HEATR6: variants seen among roughly 807,000 people sequenced by gnomAD.
The protein encoded by HEATR6 is HEAT repeat containing 6.
Under a neutral mutation model 132.8 loss-of-function variants are expected in HEATR6, and 106 were observed. The ratio of observed to expected loss-of-function variants is 0.80; its 90% CI spans 0.68 to 0.94. The LOEUF (loss-of-function observed/expected upper bound fraction) is 0.94, where lower values mean the gene tolerates loss of function less well. HEATR6 is among the 40% of genes least tolerant of loss of function. The pLI, the probability that HEATR6 is intolerant of heterozygous loss-of-function variation, is 0.00. For synonymous variants in HEATR6, 529 were observed against 537.8 expected (o/e 0.98, Z 0.23); for missense variants, 1,339 against 1,425.1 (o/e 0.94, Z 0.97).
chr17:60,044,770 T>C (rs1234729520), intron 19 of HEATR6, among the ~76,000 whole-genome samples: 1 of 152,196 alleles, frequency 6.6e-6, no homozygotes, highest in African/African-American at 2.4e-5. Flanking sequence ...CAGAGTAGAA[T>C]GCAGCTTCTC....
At chr17:60,054,328 T>G (rs570538366) in intron 14 of HEATR6, among the ~76,000 whole-genome samples, 4 of 152,062 alleles carry the variant, frequency 2.6e-5, no homozygotes, top group African/African-American at 9.7e-5. Context: ...TAAGCCTGGG[T>G]GCCCATGCAG....
intron 6 of HEATR6, 34 bp downstream of exon 6, chr17:60,070,672 G>A: frequency 8.0e-7 from 1 of 1,243,452 alleles, no homozygotes; most frequent in Non-Finnish European, 1.2e-6. Flanking sequence ...GGTTGAAACA[G>A]GAAAGACAAT....
chr17:60,060,188 A>T (rs1306541338), intron 9 of HEATR6, 92 bp from the exon 10 acceptor site: 2 of 871,560 alleles, frequency 2.3e-6, no homozygotes, highest in Non-Finnish European at 3.6e-6. Context: ...AAGTATTTAC[A>T]ATCATTTTAA....
At position 60,046,022 on chromosome 17, in the gene HEATR6, T is replaced by C. The variant is rs1906352760; in HGVS notation, c.2974+3A>G. ...ACCAGGGAGTGAAGGGAAACTTTCTTACCTAAAGGAAGGGCAGGATTTTTA... is the reference window on the plus strand; with the variant it reads ...ACCAGGGAGTGAAGGGAAACTTTCTCACCTAAAGGAAGGGCAGGATTTTTA... On this transcript the variant is annotated splice_donor_region_variant and intron_variant, in intron 19 of 19. Coordinates refer to ENST00000184956, the MANE Select transcript of HEATR6 (RefSeq NM_022070.5). 6 of 1,611,000 alleles carry C rather than the reference T, an allele frequency of 3.7e-6. No individual in the cohort carries two copies. Among genetic ancestry groups the C allele is most frequent in the Admixed American group, 1.7e-5 (1 of 59,892 alleles).
In HEATR6 at chr17:60,067,726, T is replaced by A; in HGVS notation, c.946A>T (p.Lys316Ter). 1 of 1,611,308 alleles carries A rather than the reference T, an allele frequency of 6.2e-7. No homozygotes were observed. The highest frequency in any genetic ancestry group is 8.5e-7 in the Non-Finnish European group (1 of 1,179,136). The change falls in exon 8 of 20, where the codon AAG becomes TAG. Residue 316 changes from lysine (K) to a stop codon, truncating the protein, a stop_gained. Transcript: ENST00000184956. LOFTEE classifies it high-confidence loss of function. ...TTTGGTTTTACTTTGGATTTTTTCT[T>A]TTTATTCTGATTGTGGGAGCAAATG... ...SSASRPTLNK[K>*]KKSKVKPKKI...
At chr17:60,061,749 T>C (rs2083212842) in intron 9 of HEATR6, among the ~76,000 whole-genome samples, 1 of 152,282 alleles carries the variant, frequency 6.6e-6, no homozygotes, top group Non-Finnish European at 1.5e-5. Flanking sequence ...GCTAACAGGC[T>C]GTACAAAAAC....
At chr17:60,050,279 A>G (rs1038913783) in intron 15 of HEATR6, among the ~76,000 whole-genome samples, 29 of 152,152 alleles carry the variant, frequency 1.9e-4, no homozygotes, top group African/African-American at 6.8e-4. Context: ...CAAGGCACCA[A>G]ATCTGTGTCT....
At chr17:60,066,544 A>C in intron 8 of HEATR6, 158 bp from the exon 9 acceptor site, 1 of 620,978 alleles carries the variant, frequency 1.6e-6, no homozygotes, top group Non-Finnish European at 2.7e-6. Context: ...GTTATTAAAA[A>C]TTTTTCTTTC....
intron 10 of HEATR6, 69 bp from the exon 11 acceptor site, chr17:60,059,590 A>G: frequency 9.2e-7 from 1 of 1,090,092 alleles, no homozygotes; most frequent in Non-Finnish European, 1.4e-6. Context: ...ATTTTGCAGC[A>G]TTTAATTAAA....
intron 2 of HEATR6, among the ~76,000 whole-genome samples, chr17:60,075,448 T>C (rs1256682333): frequency 6.6e-6 from 1 of 152,192 alleles, no homozygotes; most frequent in Admixed American, 6.6e-5. Context: ...AGTTGATATG[T>C]TTTGTGCTCT....
At position 60,043,683 on chromosome 17, in the gene HEATR6, G is replaced by A. The variant is rs752599831; in HGVS notation, c.3426C>T (p.Ile1142=). The A allele has an allele frequency of 6.2e-7, 1 of 1,614,152 alleles. No individual in the cohort carries two copies. Among genetic ancestry groups the A allele is most frequent in the Non-Finnish European group, 8.5e-7 (1 of 1,180,028 alleles). The change falls in exon 20 of 20, where the codon ATC becomes ATT. Residue 1142 remains isoleucine, a synonymous_variant. Coordinates refer to ENST00000184956, the MANE Select transcript of HEATR6 (RefSeq NM_022070.5). ...TGGCTGTGTCTCCAGTTGGTGCCTG[G>A]ATGCTGCCCATGTGTTTAAGGGCCA... ...VRMALKHMGS[I]QAPTGDTARR...
At chr17:60,075,630 G>C (rs981214459) in intron 2 of HEATR6, 18 of 151,974 alleles carry the variant, frequency 1.2e-4, no homozygotes, top group African/African-American at 4.1e-4. Context: ...AAAGAGGCAG[G>C]GGATTATTTC....
chr17:60,077,929 G>A (rs1300883654), intron 1 of HEATR6, among the ~76,000 whole-genome samples: 4 of 152,218 alleles, frequency 2.6e-5, no homozygotes, highest in Non-Finnish European at 5.9e-5. Context: ...TGGGATGAAG[G>A]AGGGAAGAAC....
Position 60,078,799 on chromosome 17 carries a change from G to A in HEATR6, c.116C>T (p.Ala39Val), listed in dbSNP as rs200568218. ...GFRLLSARLC[A>V]LRPDDSSSAR... ...GGAGCTGCTGTCATCCGGGCGCAGG[G>A]CGCAGAGCCTGGCAGACAAGAGGCG... Residue 39 changes from alanine to valine, a missense_variant, in exon 1 of 20, where the codon GCC (alanine) becomes GTC (valine). Coordinates refer to ENST00000184956, the MANE Select transcript of HEATR6 (RefSeq NM_022070.5). The A allele has an allele frequency of 6.3e-5, 101 of 1,596,886 alleles. No individual in the cohort carries two copies. Among genetic ancestry groups the A allele is most frequent in the Non-Finnish European group, 8.5e-5 (100 of 1,172,468 alleles).
Position 60,076,144 on chromosome 17 carries a change from G to C in HEATR6, c.313C>G (p.Leu105Val), listed in dbSNP as rs1568650965. 1.9e-6 allele frequency: 3 copies of C among 1,597,354 alleles called. No individual in the cohort carries two copies. The highest frequency in any genetic ancestry group is 2.6e-6 in the Non-Finnish European group (3 of 1,166,146). Reference protein sequence around the residue: ...SKVSQLIHHLLNRLQVIVDEQ... With the variant: ...SKVSQLIHHLVNRLQVIVDEQ... ...TACATGATTACCTGTAATCTGTTAA[G>C]TAAATGGTGGATAAGCTGGCTCACT... The change falls in exon 2 of 20, where the codon CTT becomes GTT. Residue 105 changes from leucine to valine, a missense_variant. Coordinates refer to ENST00000184956, the MANE Select transcript of HEATR6 (RefSeq NM_022070.5).
chr17:60,047,315 T>C lies in HEATR6; in HGVS notation c.2763A>G (p.Lys921=). The stretch of plus-strand genomic sequence containing the variant: ...GGTTTTGTTGTGAGTCTACCTTGTC[T>C]TTATCCTTGGATGCTTCTATAGCTG... The part of the protein sequence containing the change: ...LRSAIEASKD[K]DKVKSNAVRA... The change falls in exon 18 of 20, where the codon AAA becomes AAG. Residue 921 remains lysine (K), a synonymous_variant. Transcript: ENST00000184956. The C allele has an allele frequency of 1.2e-6, 2 of 1,606,064 alleles. No homozygotes were observed. The highest frequency in any genetic ancestry group is 1.7e-6 in the Non-Finnish European group (2 of 1,173,930).
In HEATR6 at chr17:60,055,510, T is replaced by C. The variant is rs754671761; in HGVS notation, c.2289+5A>G. On this transcript the variant is annotated splice_donor_5th_base_variant and intron_variant, in intron 14 of 19. Transcript: ENST00000184956. ...AAAGAAAACTATGAATTGACATTTA[T>C]TTACCAAGAAGACTGGTGCTCTCTG... 4.4e-6 allele frequency: 7 copies of C among 1,592,856 alleles called. No homozygotes were observed. The highest frequency in any genetic ancestry group is 6.0e-6 in the Non-Finnish European group (7 of 1,167,814).
rs1415635790 is a variant in HEATR6, at chr17:60,066,209, C to A, written c.1416G>T (p.Lys472Asn). The part of the protein sequence containing the change: ...MTLTLKDPSP[K>N]TRACALQVLS... The stretch of plus-strand genomic sequence containing the variant: ...AAGCTTAGAGTTTAAATTCTCTTAC[C>A]TTTGGAGAAGGGTCTTTCAATGTAA... The change falls in exon 9 of 20, where the codon AAG becomes AAT. Residue 472 changes from lysine to asparagine, a missense_variant and splice_region_variant. Physicochemically the swap from Lys to Asn is moderately conservative, Grantham distance 94. Transcript: ENST00000184956. The A allele has an allele frequency of 1.9e-6, 3 of 1,609,460 alleles. No individual in the cohort carries two copies. Among genetic ancestry groups the A allele is most frequent in the Non-Finnish European group, 2.5e-6 (3 of 1,177,878 alleles).
chr17:60,078,554 C>T (rs1281560593), intron 1 of HEATR6, 142 bp downstream of exon 1: 2 of 677,554 alleles, frequency 3.0e-6, no homozygotes, highest in African/African-American at 3.6e-5. Context: ...AAGAATGTGC[C>T]AAGGTTGGAG....
Sources: allele counts gnomAD v4.1 joint callset (sites outside exome capture counted in the v4.1 genomes callset), GRCh38; gene constraint gnomAD v4.1.1; transcripts MANE v1.5; gene names NCBI Gene and HGNC (gene_info 2026-07-23, HGNC 2026-07-21).